ANKRD30B: variants seen among roughly 807,000 people sequenced by gnomAD.
ANKRD30B encodes ankyrin repeat domain-containing protein 30B.
A neutral mutation model predicts 202.2 loss-of-function variants in ANKRD30B; 144 were observed. The ratio of observed to expected loss-of-function variants is 0.71; its 90% CI spans 0.62 to 0.82. The LOEUF (loss-of-function observed/expected upper bound fraction) is 0.82, where lower values mean the gene tolerates loss of function less well. ANKRD30B is among the 40% of genes least tolerant of loss of function. The pLI, the probability that ANKRD30B is intolerant of heterozygous loss-of-function variation, is 0.00. For missense variants in ANKRD30B, 1,487 were observed against 1,669.1 expected, an observed-to-expected ratio of 0.89 and a Z score of 1.90; for synonymous variants, 508 against 561.3, an observed-to-expected ratio of 0.91 and a Z score of 1.34.
At chr18:14,854,849 AC>A (rs1972030322), downstream of ANKRD30B, among the ~76,000 whole-genome samples, 2 of 150,598 alleles carry the variant, frequency 1.3e-5, no homozygotes, top group East Asian at 3.9e-4. Context: ...ACACACACAC[AC>A]ACACACACAC....
chr18:14,764,025 A>G lies in ANKRD30B; in HGVS notation c.1160A>G (p.Glu387Gly), dbSNP rs1915691826. The G allele has an allele frequency of 6.4e-7, 1 of 1,570,742 alleles. No individual in the cohort carries two copies. Among genetic ancestry groups the G allele is most frequent in the East Asian group, 2.3e-5 (1 of 43,532 alleles). Reference protein sequence around the residue: ...GVTPNKTEVLEKGTSNMIACP... With the variant: ...GVTPNKTEVLGKGTSNMIACP... ...ACACCTAATAAAACTGAAGTTTTGG[A>G]AAAAGGAACATCTAATATGATTGCA... Residue 387 changes from glutamate to glycine, a missense_variant, in exon 7 of 44, where the codon GAA becomes GGA. Glu to Gly is a moderately conservative substitution (Grantham distance 98). Transcript: ENST00000690538.
chr18:14,793,866 C>A (rs576510430), intron 16 of ANKRD30B, among the ~76,000 whole-genome samples: 34 of 151,816 alleles, frequency 2.2e-4, no homozygotes, highest in South Asian at 4.2e-4. Context: ...TGCACTCCAG[C>A]CTGGGCGACA....
the ANKRD30B span, among the ~76,000 whole-genome samples, chr18:14,911,105 G>A: frequency 4.6e-4 from 70 of 152,064 alleles, no homozygotes; most frequent in African/African-American, 1.6e-3. Flanking sequence ...ATTTTGCTGT[G>A]CAGAAGCTTT....
intron 14 of ANKRD30B, among the ~76,000 whole-genome samples, chr18:14,786,652 A>G (rs1968100966): frequency 6.6e-6 from 1 of 152,194 alleles, no homozygotes. Context: ...TGCTGAGTCA[A>G]TCAAACTAAG....
the ANKRD30B span, chr18:14,877,881 G>T: frequency 3.3e-5 from 5 of 152,318 alleles, no homozygotes; most frequent in African/African-American, 1.2e-4. Flanking sequence ...ATTGCCTCAG[G>T]TTCCTGATCT....
the ANKRD30B span, among the ~76,000 whole-genome samples, chr18:14,902,175 C>T: frequency 6.6e-6 from 1 of 152,246 alleles, no homozygotes; most frequent in South Asian, 2.1e-4. Context: ...CCAACCCGGT[C>T]CCTGCCACCC....
chr18:14,795,895 A>T (rs1248734029), intron 16 of ANKRD30B, among the ~76,000 whole-genome samples: 1 of 150,186 alleles, frequency 6.7e-6, no homozygotes, highest in Admixed American at 6.7e-5. Flanking sequence ...TGGTCATCTT[A>T]GTAAATTCAA....
chr18:14,905,497 T>A, the ANKRD30B span: 1 of 152,232 alleles, frequency 6.6e-6, no homozygotes, highest in Non-Finnish European at 1.5e-5. Flanking sequence ...TAGAAAGAAA[T>A]GCTTGAGTTA....
At chr18:14,842,822 C>T in intron 37 of ANKRD30B, 75 bp from the exon 38 acceptor site, 2 of 1,430,926 alleles carry the variant, frequency 1.4e-6, no homozygotes, top group South Asian at 2.6e-5. Flanking sequence ...GACTTAGATA[C>T]TATCACTGGA....
intron 7 of ANKRD30B, among the ~76,000 whole-genome samples, chr18:14,766,171 G>A (rs539598449): frequency 1.4e-4 from 22 of 152,086 alleles, no homozygotes; most frequent in African/African-American, 5.1e-4. Flanking sequence ...ATGCTCATGG[G>A]GAAGGAGTAG....
chr18:14,796,445 T>G (rs767059424), intron 18 of ANKRD30B, 30 bp downstream of exon 18: 66 of 1,523,618 alleles, frequency 4.3e-5, no homozygotes, highest in African/African-American at 2.5e-4. Context: ...TTTTAATCTG[T>G]AATTAAGAAT....
rs1209587925 is a variant in ANKRD30B at position 14,766,493 on chromosome 18, A to AAAAAGAAAAGAAAAG, written c.1225+2418_1225+2432dup. Among the ~76,000 whole-genome samples the AAAAAGAAAAGAAAAG allele has an allele frequency of 3.2e-3, 268 of 85,020 alleles. 4 individuals carry two copies. Among genetic ancestry groups the AAAAAGAAAAGAAAAG allele is most frequent in the Middle Eastern group, 0.014 (2 of 146 alleles). 55.8% of individuals were successfully genotyped at this position (85,020 alleles called of 152,430 possible). A position where few individuals can be genotyped will look rare whatever the true frequency, so the allele number is the denominator to read the frequency against. On this transcript the variant is annotated intron_variant, in intron 7 of 43. Transcript: ENST00000690538. ...ATCTCAAAAAAAAAAAAAAAAAAAAAAAAAGAAAAGAAAAGAAAAGAAAAG... is the reference window on the plus strand; with the variant it reads ...ATCTCAAAAAAAAAAAAAAAAAAAAAAAAAGAAAAGAAAAGAAAAGAAAAGAAAAGAAAAGAAAAG...
intron 9 of ANKRD30B, among the ~76,000 whole-genome samples, chr18:14,772,825 G>T (rs1304029665): frequency 6.8e-6 from 1 of 147,596 alleles, no homozygotes; most frequent in Non-Finnish European, 1.5e-5. Context: ...ATTAGAAATT[G>T]TGAAAATTTA....
intron 32 of ANKRD30B, among the ~76,000 whole-genome samples, chr18:14,826,061 T>C (rs1409326188): frequency 1.3e-5 from 2 of 151,932 alleles, no homozygotes; most frequent in African/African-American, 2.4e-5. Flanking sequence ...AATTGGTTTA[T>C]ACGTATTTCT....
At chr18:14,789,238 G>A (rs1160013129) in intron 15 of ANKRD30B, among the ~76,000 whole-genome samples, 3 of 151,994 alleles carry the variant, frequency 2.0e-5, no homozygotes, top group African/African-American at 7.2e-5. Context: ...TTTTGATGGG[G>A]TTGTTTTATT....
chr18:14,930,495 C>T, the ANKRD30B span, among the ~76,000 whole-genome samples: 2 of 152,114 alleles, frequency 1.3e-5, no homozygotes, highest in South Asian at 4.1e-4. Context: ...AACTAAAGAG[C>T]TGGAGAGTGG....
At chr18:14,862,792 G>A in the ANKRD30B span, among the ~76,000 whole-genome samples, 2 of 152,242 alleles carry the variant, frequency 1.3e-5, no homozygotes, top group African/African-American at 4.8e-5. Flanking sequence ...AAGCCACAGA[G>A]GCAGAGCTGC....
chr18:14,806,230 GA>G (rs199824965), intron 24 of ANKRD30B, among the ~76,000 whole-genome samples: 76,380 of 144,470 alleles, frequency 0.53, 21,225 homozygotes, highest in Non-Finnish European at 0.54. Flanking sequence ...AAAAAAAAAA[GA>G]AAAAAAAAAT....
the ANKRD30B span, among the ~76,000 whole-genome samples, chr18:14,863,457 T>C: frequency 1.3e-5 from 2 of 152,038 alleles, no homozygotes; most frequent in Non-Finnish European, 2.9e-5. Flanking sequence ...CCTTCCTCTG[T>C]GATTGGATGC....
Sources: gnomAD v4.1 joint callset for allele counts (sites outside exome capture counted in the v4.1 genomes callset) on GRCh38, gnomAD v4.1.1 for gene constraint, MANE v1.5 for transcripts, NCBI Gene and HGNC (gene_info 2026-07-23, HGNC 2026-07-21) for gene names.